Variants in PLXDC1 observed in about 807,000 individuals in gnomAD.
The protein encoded by PLXDC1 is plexin domain-containing protein 1.
Under a neutral mutation model 61.3 loss-of-function variants are expected in PLXDC1, and 39 were observed. That is an observed-to-expected ratio of 0.64 (90% CI 0.49 to 0.83). The LOEUF is 0.83. Ranked by LOEUF, PLXDC1 falls within the 40% of genes least tolerant of loss-of-function variation. The probability of loss-of-function intolerance (pLI) is 0.00; values close to 1 mark genes in which losing one functional copy is unlikely to be tolerated. For synonymous variants in PLXDC1, 212 were observed against 254.5 expected (o/e 0.83, Z 1.59); for missense variants, 596 against 666.5 (o/e 0.89, Z 1.17).
intron 7 of PLXDC1, among the ~76,000 whole-genome samples, chr17:39,098,930 G>A (rs1020476665): frequency 2.0e-5 from 3 of 152,154 alleles, no homozygotes; most frequent in Non-Finnish European, 4.4e-5. Flanking sequence ...AGCTGTGCCC[G>A]GCCTTGAATG....
chr17:39,100,757 A>G (rs1447716413), intron 7 of PLXDC1, among the ~76,000 whole-genome samples: 1 of 152,272 alleles, frequency 6.6e-6, no homozygotes. Context: ...CTGGCTCAAC[A>G]CAGGCGTTTA....
chr17:39,122,118 G>T (rs1302026920), intron 2 of PLXDC1, among the ~76,000 whole-genome samples: 1 of 141,188 alleles, frequency 7.1e-6, no homozygotes, highest in Non-Finnish European at 1.6e-5. Context: ...AAAAGGGGGG[G>T]GGGACTGGGT....
upstream of PLXDC1, among the ~76,000 whole-genome samples, chr17:39,152,003 C>T (rs1259852008): frequency 6.6e-6 from 1 of 152,116 alleles, no homozygotes; most frequent in African/African-American, 2.4e-5. Flanking sequence ...CTGTTCCCCG[C>T]CCCCAGCTCC....
chr17:39,109,412 G>T (rs1163662342), intron 2 of PLXDC1, 21 bp from the exon 3 acceptor site: 12 of 1,566,772 alleles, frequency 7.7e-6, no homozygotes, highest in Non-Finnish European at 1.0e-5. Context: ...CCAAGATAAA[G>T]CCCACAGGAG....
intron 2 of PLXDC1, among the ~76,000 whole-genome samples, chr17:39,122,688 A>T (rs558125823): frequency 2.6e-4 from 40 of 152,208 alleles, no homozygotes; most frequent in Non-Finnish European, 4.4e-4. Flanking sequence ...GACCAGGATG[A>T]CTTGACATTA....
chr17:39,147,855 C>T (rs1254037963), intron 1 of PLXDC1, among the ~76,000 whole-genome samples: 1 of 152,026 alleles, frequency 6.6e-6, no homozygotes, highest in Non-Finnish European at 1.5e-5. Flanking sequence ...GGACACAAGC[C>T]CTGTACCCAG....
intron 2 of PLXDC1, among the ~76,000 whole-genome samples, chr17:39,114,884 C>T (rs1428384608): frequency 6.6e-6 from 1 of 152,212 alleles, no homozygotes; most frequent in Non-Finnish European, 1.5e-5. Flanking sequence ...ACAGCGAGAG[C>T]TTTCCCCAAA....
chr17:39,121,662 C>T (rs929383716), intron 2 of PLXDC1, among the ~76,000 whole-genome samples: 4 of 152,184 alleles, frequency 2.6e-5, no homozygotes, highest in Non-Finnish European at 5.9e-5. Flanking sequence ...CTCCCAATAA[C>T]CACTCTCTCC....
At chr17:39,091,942 GAGTGAGACTCTATCTCAAAAAAAA>G (rs1303778173) in intron 7 of PLXDC1, among the ~76,000 whole-genome samples, 1,226 of 121,946 alleles carry the variant, frequency 0.01, 13 homozygotes, top group Middle Eastern at 0.039. Context: ...CTGGGCAACA[GAGTGAGACTCTATCTCAAAAAAAA>G]AAAAAAAAAA....
intron 7 of PLXDC1, among the ~76,000 whole-genome samples, chr17:39,094,590 C>T (rs1021065150): frequency 2.0e-5 from 3 of 152,144 alleles, no homozygotes; most frequent in Admixed American, 1.3e-4. Context: ...TGGCCACTCC[C>T]GCAGCCAGAC....
chr17:39,089,792 T>G (rs1427330955), intron 7 of PLXDC1, among the ~76,000 whole-genome samples: 1 of 152,054 alleles, frequency 6.6e-6, no homozygotes, highest in Non-Finnish European at 1.5e-5. Flanking sequence ...GTTCACATAG[T>G]ATCTCATTAT....
intron 2 of PLXDC1, among the ~76,000 whole-genome samples, chr17:39,117,991 C>A (rs1290476402): frequency 1.3e-5 from 2 of 152,102 alleles, no homozygotes; most frequent in East Asian, 3.9e-4. Flanking sequence ...GGCTGAGCAT[C>A]AGTGATGCAA....
intron 2 of PLXDC1, among the ~76,000 whole-genome samples, chr17:39,110,897 T>G (rs1910776720): frequency 6.6e-6 from 1 of 151,274 alleles, no homozygotes; most frequent in Admixed American, 6.5e-5. Context: ...CTATTCCCTC[T>G]GCCACTGCCC....
At chr17:39,122,943 G>C (rs916098301) in intron 2 of PLXDC1, among the ~76,000 whole-genome samples, 1 of 152,188 alleles carries the variant, frequency 6.6e-6, no homozygotes, top group African/African-American at 2.4e-5. Context: ...ACAGAGAAGG[G>C]TTGGAGCCTA....
chr17:39,089,098 C>A (rs1909857673), intron 7 of PLXDC1, among the ~76,000 whole-genome samples: 1 of 151,864 alleles, frequency 6.6e-6, no homozygotes, highest in Admixed American at 6.6e-5. Context: ...AATGAGTTAC[C>A]CCACAAGAGG....
At chr17:39,084,463 AG>A in intron 8 of PLXDC1, among the ~76,000 whole-genome samples, 1 of 152,326 alleles carries the variant, frequency 6.6e-6, no homozygotes, top group East Asian at 1.9e-4. Context: ...GTACAATAAA[AG>A]TTATTGTTTT....
chr17:39,112,760 G>A (rs1003253840), intron 2 of PLXDC1, among the ~76,000 whole-genome samples: 1 of 152,108 alleles, frequency 6.6e-6, no homozygotes, highest in African/African-American at 2.4e-5. Context: ...GGAGGTGGGG[G>A]TAGGGGGACT....
At chr17:39,140,681 T>C (rs535359434) in intron 1 of PLXDC1, among the ~76,000 whole-genome samples, 3 of 152,350 alleles carry the variant, frequency 2.0e-5, no homozygotes, top group Non-Finnish European at 2.9e-5. Context: ...TGAGAACCAT[T>C]GCCGTTGAGC....
chr17:39,118,138 T>C (rs894418357), intron 2 of PLXDC1, among the ~76,000 whole-genome samples: 1 of 140,278 alleles, frequency 7.1e-6, no homozygotes, highest in African/African-American at 2.7e-5. Context: ...CTTCCTTCCT[T>C]CCTCTCAATC....
Sources: gnomAD v4.1 joint callset for allele counts (sites outside exome capture counted in the v4.1 genomes callset) on GRCh38, gnomAD v4.1.1 for gene constraint, MANE v1.5 for transcripts, NCBI Gene and HGNC (gene_info 2026-07-23, HGNC 2026-07-21) for gene names.